The following CT45A10 variants were observed in gnomAD, a reference collection of about 807,000 sequenced individuals.
CT45A10 encodes cancer/testis antigen family 45 member A10.
In CT45A10, 19 loss-of-function variants were observed where a neutral mutation model predicts 8.3. The ratio of observed to expected loss-of-function variants is 2.30; its 90% CI spans 1.61 to 3.38. The LOEUF is 3.38. Ranked by LOEUF, CT45A10 falls within the 30% of genes most tolerant of loss-of-function variation. The pLI is 0.00. For synonymous variants in CT45A10, 28 were observed against 26.5 expected, an observed-to-expected ratio of 1.06 and a Z score of -0.17; for missense variants, 149 against 85.9, an observed-to-expected ratio of 1.73 and a Z score of -2.90.
At chrX:135,889,414 G>A (rs1375559118) in intron 1 of CT45A10, 1 of 108,214 alleles carries the variant, frequency 9.2e-6, no homozygotes, top group African/African-American at 3.4e-5. Flanking sequence ...GGGAGGTGGA[G>A]GTAGCAGTGA....
Position 135,883,010 on chromosome X carries a change from C to A in CT45A10, c.416G>T (p.Arg139Leu). The change falls in exon 3 of 5, where the codon CGA becomes CTA. Residue 139 changes from arginine to leucine, a missense_variant and splice_region_variant. Physicochemically the swap from Arg to Leu is moderately radical, Grantham distance 102. Transcript: ENST00000682849. ...QVVKEIRCLG[R>L]KYEKIFEMLE... ...ACAGACGTTCTTACACTACTTACTT[C>A]GTCCAAGGCATCGGATTTCCTTCAC... 2.5e-6 allele frequency: 3 copies of A among 1,197,806 alleles called. No individual in the cohort carries two copies. Among genetic ancestry groups the A allele is most frequent in the Non-Finnish European group, 3.4e-6 (3 of 885,108 alleles).
chrX:135,889,221 G>C (rs1180823933), intron 1 of CT45A10: 1 of 227,129 alleles, frequency 4.4e-6, no homozygotes, highest in Non-Finnish European at 6.4e-6. Context: ...AGCAACATAA[G>C]CAGAGGAATG....
Position 135,882,606 on chromosome X carries a change from G to A in CT45A10, c.442C>T (p.Leu148Phe). The A allele has an allele frequency of 1.7e-6, 2 of 1,160,578 alleles. No homozygotes were observed. Among genetic ancestry groups the A allele is most frequent in the Non-Finnish European group, 2.3e-6 (2 of 869,073 alleles). Residue 148 changes from leucine to phenylalanine, a missense_variant, in exon 4 of 5, where the codon CTT becomes TTT. Transcript: ENST00000682849. ...GCAGTAGGTCCTTGCACTCCTTCAAGCATTTCGAAGATTTTTTCATATTCT... is the reference window on the plus strand; with the variant it reads ...GCAGTAGGTCCTTGCACTCCTTCAAACATTTCGAAGATTTTTTCATATTCT... ...GRKYEKIFEM[L>F]EGVQGPTAVR...
At chrX:135,882,849 G>A (rs1330102037) in intron 3 of CT45A10, among the ~76,000 whole-genome samples, 159 bp downstream of exon 3, 1 of 106,495 alleles carries the variant, frequency 9.4e-6, no homozygotes, top group Admixed American at 1.0e-4. Flanking sequence ...AAGAAAAAAT[G>A]TACATGCTTT....
rs1308419320 is a variant in CT45A10, at chrX:135,883,041, G to C, written c.385C>G (p.Gln129Glu). The C allele has an allele frequency of 5.0e-6, 6 of 1,196,946 alleles. No individual in the cohort carries two copies. The African/African-American group carries it at 7.1e-5, about 14-fold the overall frequency. The part of the protein sequence containing the change: ...QQEINADIKC[Q>E]VVKEIRCLGR... Reference sequence around the variant, plus strand: ...AGGCATCGGATTTCCTTCACTACTTGACATTTTATATCAGCATTAATTTCT... The same window carrying C: ...AGGCATCGGATTTCCTTCACTACTTCACATTTTATATCAGCATTAATTTCT... Residue 129 changes from glutamine (Q) to glutamate (E), a missense_variant, in exon 3 of 5, where the codon CAA becomes GAA. Coordinates refer to ENST00000682849, the MANE Select transcript of CT45A10 (RefSeq NM_001291529.2).
chrX:135,883,501 A>G (rs1210630070), intron 2 of CT45A10, among the ~76,000 whole-genome samples: 1 of 110,413 alleles, frequency 9.1e-6, no homozygotes, highest in Non-Finnish European at 1.9e-5. Flanking sequence ...AGGCCAGGAC[A>G]CATAATACAA....
chrX:135,890,266 TTAGGCAGCTCATGCC>T (rs1404174231), intron 1 of CT45A10, among the ~76,000 whole-genome samples: 1 of 112,661 alleles, frequency 8.9e-6, no homozygotes, highest in African/African-American at 3.2e-5. Context: ...AGGCAGCCCC[TTAGGCAGCTCATGCC>T]TGCCCTGTAG....
intron 1 of CT45A10, among the ~76,000 whole-genome samples, chrX:135,889,591 C>T (rs2088479391): frequency 9.0e-6 from 1 of 111,557 alleles, no homozygotes; most frequent in Non-Finnish European, 1.9e-5. Context: ...TGGCTCACGC[C>T]TGTAATGTCA....
rs1372245690 is a variant in CT45A10, at chrX:135,883,287, C to T, written c.170-31G>A. 134 of 1,193,924 alleles carry T rather than the reference C, an allele frequency of 1.1e-4. 4 individuals carry two copies. Among genetic ancestry groups the T allele is most frequent in the Non-Finnish European group, 1.5e-4 (131 of 884,877 alleles). On this transcript the variant is annotated intron_variant, in intron 2 of 4. Coordinates refer to ENST00000682849, the MANE Select transcript of CT45A10 (RefSeq NM_001291529.2). ...GAAACAAATTTTGAGTAAAAGCCAT[C>T]AGTTGGTGTTTGACCACTTTCTTTC...
At chrX:135,890,946 A>G (rs2088494973) in intron 1 of CT45A10, among the ~76,000 whole-genome samples, 1 of 112,082 alleles carries the variant, frequency 8.9e-6, no homozygotes, top group African/African-American at 3.2e-5. Flanking sequence ...ACAGGTAAAT[A>G]CACCAAGGGC....
chrX:135,889,354 C>G (rs1556588955), intron 1 of CT45A10: 1 of 110,030 alleles, frequency 9.1e-6, no homozygotes, highest in African/African-American at 3.3e-5. Context: ...TGGCGTGTAC[C>G]TGTGGTCCCA....
rs2088399454 is a variant in CT45A10 at position 135,882,980 on chromosome X, A to G, written c.418+28T>C. On this transcript the variant is annotated intron_variant, in intron 3 of 4. Coordinates refer to ENST00000682849, the MANE Select transcript of CT45A10 (RefSeq NM_001291529.2). ...AGAAAGAGTGACTTCCTACAGTTTT[A>G]TAAAACAGACGTTCTTACACTACTT... is the stretch of plus-strand genomic sequence containing the variant. 4.2e-6 allele frequency: 5 copies of G among 1,191,857 alleles called. No homozygotes were observed. The South Asian group carries it at 5.5e-5, about 13-fold the overall frequency.
Position 135,883,317 on chromosome X carries a change from C to T in CT45A10, c.170-61G>A, listed in dbSNP as rs1338371894. ...GGTGTTTGACCACTTTCTTTCCCCTCCACATAAACCTCATGAATGACAGAT... is the reference window on the plus strand; with the variant it reads ...GGTGTTTGACCACTTTCTTTCCCCTTCACATAAACCTCATGAATGACAGAT... On this transcript the variant is annotated intron_variant, in intron 2 of 4. Transcript: ENST00000682849. The T allele has an allele frequency of 9.2e-6, 11 of 1,192,750 alleles. No individual in the cohort carries two copies. In the East Asian group the frequency reaches 3.3e-4, roughly 35 times the overall value.
At position 135,883,284 on chromosome X, in the gene CT45A10, C is replaced by T. The variant is rs1165197061; in HGVS notation, c.170-28G>A. The stretch of plus-strand genomic sequence containing the variant: ...GGTGAAACAAATTTTGAGTAAAAGC[C>T]ATCAGTTGGTGTTTGACCACTTTCT... On this transcript the variant is annotated intron_variant, in intron 2 of 4. Transcript: ENST00000682849. 2.5e-6 allele frequency: 3 copies of T among 1,193,871 alleles called. No homozygotes were observed. In the African/African-American group the frequency reaches 5.3e-5, roughly 21 times the overall value.
chrX:135,882,623 T>G lies in CT45A10; in HGVS notation c.425A>C (p.Glu142Ala), dbSNP rs1387330044. Residue 142 changes from glutamate to alanine, a missense_variant, in exon 4 of 5, where the codon GAA (glutamate) becomes GCA (alanine). Glu to Ala is a moderately radical substitution (Grantham distance 107). Coordinates refer to ENST00000682849, the MANE Select transcript of CT45A10 (RefSeq NM_001291529.2). ...KEIRCLGRKY[E>A]KIFEMLEGVQ... ...TCCTTCAAGCATTTCGAAGATTTTT[T>G]CATATTCTGAAGATGTTGAAAAAAA... is the stretch of plus-strand genomic sequence containing the variant. 23 of 1,158,019 alleles carry G rather than the reference T, an allele frequency of 2.0e-5. 1 individual carries two copies. The African/African-American group carries it at 3.7e-4, about 19-fold the overall frequency.
At chrX:135,890,041 C>T (rs2088485988) in intron 1 of CT45A10, among the ~76,000 whole-genome samples, 1 of 112,026 alleles carries the variant, frequency 8.9e-6, no homozygotes, top group Non-Finnish European at 1.9e-5. Context: ...CCCACACTTG[C>T]TCAATTTATC....
intron 4 of CT45A10, among the ~76,000 whole-genome samples, 164 bp from the exon 5 acceptor site, chrX:135,881,479 T>A (rs1476620386): frequency 7.4e-5 from 3 of 40,355 alleles, no homozygotes; most frequent in African/African-American, 1.1e-4. Context: ...CTGGCAAGGG[T>A]GTGGAGAAAA....
At chrX:135,889,375 A>T (rs2088475102) in intron 1 of CT45A10, 1 of 109,327 alleles carries the variant, frequency 9.1e-6, no homozygotes, top group African/African-American at 3.3e-5. Flanking sequence ...ACTACTCGGG[A>T]AGTTGAGGTG....
At chrX:135,891,799 A>C (rs2088502022) in intron 1 of CT45A10, among the ~76,000 whole-genome samples, 1 of 111,759 alleles carries the variant, frequency 8.9e-6, no homozygotes, top group Admixed American at 9.6e-5. Flanking sequence ...TGTAAAAGCA[A>C]AACAGATTTG....
Sources: gnomAD v4.1 joint callset for allele counts (sites outside exome capture counted in the v4.1 genomes callset) on GRCh38, gnomAD v4.1.1 for gene constraint, MANE v1.5 for transcripts, NCBI Gene and HGNC (gene_info 2026-07-23, HGNC 2026-07-21) for gene names.